The following RABGEF1 variants were observed in gnomAD, a reference collection of about 807,000 sequenced individuals.
The protein encoded by RABGEF1 is RAB guanine nucleotide exchange factor 1, also known as rab5 GDP/GTP exchange factor.
In RABGEF1, 26 loss-of-function variants were observed where a neutral mutation model predicts 57.3. The observed-to-expected ratio is 0.45, with a 90% CI of 0.33 to 0.63. The LOEUF (loss-of-function observed/expected upper bound fraction) is 0.63, where lower values mean the gene tolerates loss of function less well. RABGEF1 is among the 20% of genes least tolerant of loss of function. The pLI is 0.02. For synonymous variants in RABGEF1, 185 were observed against 210.7 expected, an observed-to-expected ratio of 0.88 and a Z score of 1.06; for missense variants, 464 against 607.6, an observed-to-expected ratio of 0.76 and a Z score of 2.48.
chr7:66,715,681 T>G (rs529338223), intron 2 of RABGEF1, among the ~76,000 whole-genome samples: 33 of 152,346 alleles, frequency 2.2e-4, no homozygotes, highest in African/African-American at 7.5e-4. Flanking sequence ...TATATAATTT[T>G]AAATTACAAA....
At chr7:66,773,543 T>C in intron 2 of RABGEF1, 1 of 383,052 alleles carries the variant, frequency 2.6e-6, no homozygotes, top group Non-Finnish European at 5.2e-6. Context: ...TCTCTGATTT[T>C]AGTGGCTTGG....
chr7:66,736,195 C>T (rs1471993119), upstream of RABGEF1, among the ~76,000 whole-genome samples: 2 of 152,224 alleles, frequency 1.3e-5, no homozygotes, highest in African/African-American at 4.8e-5. Flanking sequence ...TAATACCAGA[C>T]CCCCTAGGTC....
intron 3 of RABGEF1, among the ~76,000 whole-genome samples, chr7:66,780,779 A>G (rs1284028593): frequency 6.6e-6 from 1 of 152,148 alleles, no homozygotes; most frequent in Admixed American, 6.5e-5. Context: ...CCTCTTTTTT[A>G]TGATGAGATG....
intron 5 of RABGEF1, chr7:66,796,662 G>A (rs1425182670): frequency 7.8e-6 from 2 of 258,044 alleles, no homozygotes; most frequent in South Asian, 6.5e-5. Context: ...GTGTGACCTC[G>A]GCTCACTGCA....
intron 1 of RABGEF1, among the ~76,000 whole-genome samples, chr7:66,684,085 C>T (rs1245645142): frequency 1.3e-5 from 2 of 152,092 alleles, no homozygotes; most frequent in Non-Finnish European, 2.9e-5. Flanking sequence ...GATACAGGAG[C>T]TTAGGCTTTA....
chr7:66,747,629 A>G (rs1445067695), intron 1 of RABGEF1, among the ~76,000 whole-genome samples: 1 of 152,186 alleles, frequency 6.6e-6, no homozygotes, highest in Non-Finnish European at 1.5e-5. Flanking sequence ...TTATTTTTGT[A>G]GTTCCTCTGT....
intron 1 of RABGEF1, among the ~76,000 whole-genome samples, chr7:66,704,746 G>C (rs1793757111): frequency 6.6e-6 from 1 of 151,492 alleles, no homozygotes; most frequent in African/African-American, 2.4e-5. Flanking sequence ...AGGAGGCGGA[G>C]TTTGCAGTGA....
intron 7 of RABGEF1, among the ~76,000 whole-genome samples, chr7:66,804,496 A>T (rs980225978): frequency 6.6e-6 from 1 of 152,120 alleles, no homozygotes; most frequent in African/African-American, 2.4e-5. Flanking sequence ...GCATTTTGGG[A>T]GGCCAAGGTG....
the RABGEF1 span, among the ~76,000 whole-genome samples, chr7:66,659,624 AC>A: frequency 6.6e-6 from 1 of 151,940 alleles, no homozygotes; most frequent in South Asian, 2.1e-4. Flanking sequence ...TACCTAAAAT[AC>A]AAAAATCAGC....
chr7:66,766,703 G>A (rs572876791), intron 1 of RABGEF1, among the ~76,000 whole-genome samples: 10 of 138,968 alleles, frequency 7.2e-5, no homozygotes, highest in Admixed American at 2.9e-4. Context: ...CATTCCCACT[G>A]TTACCTCTTA....
intron 7 of RABGEF1, among the ~76,000 whole-genome samples, chr7:66,804,503 G>A (rs1250140363): frequency 6.6e-6 from 1 of 152,154 alleles, no homozygotes; most frequent in Non-Finnish European, 1.5e-5. Context: ...GGGAGGCCAA[G>A]GTGGGCGGAT....
At chr7:66,719,179 C>T (rs1795728402) in intron 2 of RABGEF1, among the ~76,000 whole-genome samples, 1 of 152,184 alleles carries the variant, frequency 6.6e-6, no homozygotes, top group Admixed American at 6.6e-5. Context: ...AACCAACCAA[C>T]CAACAAAAAC....
chr7:66,690,301 G>A (rs958881106), intron 1 of RABGEF1, among the ~76,000 whole-genome samples: 30 of 150,772 alleles, frequency 2.0e-4, no homozygotes, highest in African/African-American at 5.8e-4. Flanking sequence ...GGGTTTCACC[G>A]TCTTGGCCAG....
the RABGEF1 span, among the ~76,000 whole-genome samples, chr7:66,670,631 G>T: frequency 9.6e-4 from 146 of 151,944 alleles, no homozygotes; most frequent in East Asian, 0.022. Flanking sequence ...GATCTCTTGA[G>T]GCCAGGGGTT....
intron 1 of RABGEF1, among the ~76,000 whole-genome samples, chr7:66,753,700 C>CTTT (rs1562788670): frequency 2.5e-5 from 2 of 78,508 alleles, no homozygotes; most frequent in South Asian, 6.0e-4. Context: ...ATTTTGCCAT[C>CTTT]GTTTTTTTTT....
chr7:66,797,042 A>T (rs868443130), intron 5 of RABGEF1: 32 of 366,124 alleles, frequency 8.7e-5, no homozygotes, highest in African/African-American at 6.3e-4. Context: ...GCTCACACCT[A>T]TAAACCTAGT....
intron 1 of RABGEF1, among the ~76,000 whole-genome samples, chr7:66,755,236 G>A (rs1802425190): frequency 6.6e-6 from 1 of 152,140 alleles, no homozygotes; most frequent in Admixed American, 6.5e-5. Context: ...GGAGCTTGCA[G>A]TGAGCTGAGA....
At chr7:66,733,319 G>C (rs1366707082) in intron 2 of RABGEF1, among the ~76,000 whole-genome samples, 2 of 152,176 alleles carry the variant, frequency 1.3e-5, no homozygotes, top group Non-Finnish European at 2.9e-5. Flanking sequence ...CACTTAGGCT[G>C]CTGTGCACCA....
At chr7:66,771,780 C>A in intron 1 of RABGEF1, 103 bp from the exon 2 acceptor site, 2 of 788,414 alleles carry the variant, frequency 2.5e-6, no homozygotes, top group Non-Finnish European at 3.6e-6. Flanking sequence ...CCTCTCTTAA[C>A]AGCTTGAAGA....
Sources: gnomAD v4.1 joint callset for allele counts (sites outside exome capture counted in the v4.1 genomes callset) on GRCh38, gnomAD v4.1.1 for gene constraint, MANE v1.5 for transcripts, NCBI Gene and HGNC (gene_info 2026-07-23, HGNC 2026-07-21) for gene names.